Variants in XIST observed in about 807,000 individuals in gnomAD.
XIST encodes X inactive specific transcript (non-protein coding).
chrX:73,823,874 G>T (rs1295369746), exon 6 of XIST: 4 of 556,135 alleles, frequency 7.2e-6, no homozygotes, highest in Non-Finnish European at 1.3e-5. Context: ...ACTCTATAAT[G>T]ATAACATCAT....
intron 2 of XIST, among the ~76,000 whole-genome samples, chrX:73,836,279 C>G (rs770038900): frequency 2.7e-5 from 3 of 112,306 alleles, no homozygotes; most frequent in Non-Finnish European, 5.6e-5. Flanking sequence ...TTTGTTTCTG[C>G]AACCTATTTT....
At chrX:73,839,249 C>T (rs994817776) in intron 1 of XIST, among the ~76,000 whole-genome samples, 1 of 110,869 alleles carries the variant, frequency 9.0e-6, no homozygotes, top group East Asian at 2.8e-4. Flanking sequence ...ATGGAAGTTA[C>T]AGAAAGATAA....
intron 4 of XIST, chrX:73,829,469 C>T: frequency 3.3e-6 from 1 of 306,325 alleles, no homozygotes; most frequent in Non-Finnish European, 5.8e-6. Flanking sequence ...AGAGACACCA[C>T]TACCAGTCAT....
chrX:73,821,255 T>C, exon 6 of XIST: 1 of 556,719 alleles, frequency 1.8e-6, no homozygotes, highest in Non-Finnish European at 3.2e-6. Flanking sequence ...CAATCATACT[T>C]TGACATTTAT....
chrX:73,833,007 G>C (rs1214428294), intron 3 of XIST, among the ~76,000 whole-genome samples: 1 of 110,469 alleles, frequency 9.1e-6, no homozygotes, highest in Admixed American at 9.7e-5. Context: ...TCAGCCTCCA[G>C]AGTAGGTAGG....
chrX:73,844,879 T>G (rs889939579), exon 1 of XIST: 1 of 556,392 alleles, frequency 1.8e-6, no homozygotes, highest in African/African-American at 2.3e-5. Flanking sequence ...ACTGTCCAAA[T>G]GTAAGGTTCT....
Position 73,852,499 on chromosome X carries a change from T to C in XIST, n.225A>G, listed in dbSNP as rs187477685. ...AATATTAAAAATTGCCTCAAAATAT[T>C]CCAAATACTTTCTTTAAAAAAATAT... On this transcript the variant is annotated non_coding_transcript_exon_variant, in exon 1 of 6. Transcript: ENST00000429829. 29 of 542,098 alleles carry C rather than the reference T, an allele frequency of 5.3e-5. No individual in the cohort carries two copies. The African/African-American group carries it at 5.5e-4, about 10-fold the overall frequency. 44.7% of individuals were successfully genotyped at this position (542,098 alleles called of 1,213,427 possible). A position where few individuals can be genotyped will look rare whatever the true frequency, so the allele number is the denominator to read the frequency against.
exon 1 of XIST, chrX:73,846,546 G>C (rs759927952): frequency 3.6e-6 from 2 of 559,093 alleles, no homozygotes; most frequent in Admixed American, 4.4e-5. Context: ...CACATGGAAT[G>C]AGCAGTGTGC....
intron 1 of XIST, among the ~76,000 whole-genome samples, chrX:73,839,649 CAAT>C (rs1922551068): frequency 9.0e-6 from 1 of 111,198 alleles, no homozygotes; most frequent in Admixed American, 9.7e-5. Flanking sequence ...GCACCTGGTA[CAAT>C]AATATTTGTT....
exon 1 of XIST, chrX:73,844,416 T>C (rs1016429125): frequency 2.5e-5 from 14 of 556,304 alleles, no homozygotes; most frequent in East Asian, 1.6e-4. Context: ...CACAAGAATA[T>C]AGACAAGCCA....
intron 2 of XIST, chrX:73,837,354 G>A: frequency 4.9e-6 from 2 of 411,807 alleles, no homozygotes; most frequent in Non-Finnish European, 4.2e-6. Flanking sequence ...AATTCCAATA[G>A]AGAGACATTC....
exon 6 of XIST, chrX:73,824,508 G>A (rs950303225): frequency 1.8e-6 from 1 of 556,820 alleles, no homozygotes; most frequent in Non-Finnish European, 3.2e-6. Context: ...TCACATAGTA[G>A]GCAATCAAAA....
At chrX:73,841,985 A>G (rs1296082833) in exon 1 of XIST, 1 of 541,545 alleles carries the variant, frequency 1.8e-6, no homozygotes, top group Non-Finnish European at 3.3e-6. Flanking sequence ...TGGTCTTAAG[A>G]GTTCCACTCT....
chrX:73,830,150 G>A (rs989883232), intron 4 of XIST, among the ~76,000 whole-genome samples: 1 of 111,014 alleles, frequency 9.0e-6, no homozygotes, highest in Non-Finnish European at 1.9e-5. Context: ...AGAAGAAGAA[G>A]AAGAAAAAGA....
chrX:73,840,000 T>C lies in XIST; in HGVS notation n.11342+1382A>G, dbSNP rs1401855154. ...ACCAGGGTTTCTCAAATTGGGGTGA[T>C]AACCCTGGGGATTTGTGAATATATT... On this transcript the variant is annotated intron_variant and non_coding_transcript_variant, in intron 1 of 5. Transcript: ENST00000429829. Among the ~76,000 whole-genome samples, 3 of 111,491 alleles carry C rather than the reference T, an allele frequency of 2.7e-5. No individual in the cohort carries two copies. The Admixed American group carries it at 2.9e-4, about 11-fold the overall frequency.
chrX:73,850,353 A>G (rs1448731698), exon 1 of XIST: 5 of 534,030 alleles, frequency 9.4e-6, no homozygotes, highest in Non-Finnish European at 1.7e-5. Context: ...ACAAAAACTC[A>G]TTAAATGTAA....
rs1160070527 is a variant in XIST, at chrX:73,849,352, G to A, written n.3372C>T. On this transcript the variant is annotated non_coding_transcript_exon_variant, in exon 1 of 6. Coordinates refer to ENST00000429829, the Ensembl canonical transcript of XIST. ...TGCGACCCCCTGCTGAATGCAAATG[G>A]GGTTCAGAGTGCTGTCTAATCCAAT... 4 of 558,808 alleles carry A rather than the reference G, an allele frequency of 7.2e-6. No individual in the cohort carries two copies. The Admixed American group carries it at 8.9e-5, about 12-fold the overall frequency. The allele number at this position is 558,808 out of a possible 1,213,427, so 46.1% of individuals were successfully genotyped here.
exon 1 of XIST, chrX:73,850,962 G>A (rs1922922518): frequency 1.8e-6 from 1 of 559,219 alleles, no homozygotes; most frequent in East Asian, 3.2e-5. Context: ...CCCACTGGGA[G>A]ACATACACGT....
exon 1 of XIST, chrX:73,851,249 G>C (rs760678680): frequency 1.2e-4 from 66 of 557,616 alleles, no homozygotes; most frequent in Non-Finnish European, 2.0e-4. Context: ...ATGTCCACGT[G>C]ACAAAAGCCA....
Sources: gnomAD v4.1 joint callset for allele counts (sites outside exome capture counted in the v4.1 genomes callset) on GRCh38, gnomAD v4.1.1 for gene constraint, MANE v1.5 for transcripts, NCBI Gene and HGNC (gene_info 2026-07-23, HGNC 2026-07-21) for gene names.